The following FARP2 variants were observed in gnomAD, a reference collection of about 807,000 sequenced individuals.
FARP2 encodes the protein FERM, ARHGEF and pleckstrin domain-containing protein 2.
A neutral mutation model predicts 130.5 loss-of-function variants in FARP2; 111 were observed. The ratio of observed to expected loss-of-function variants is 0.85; its 90% CI spans 0.73 to 1.00. The LOEUF (loss-of-function observed/expected upper bound fraction) is 1.00, where lower values mean the gene tolerates loss of function less well. Among genes scored for constraint, FARP2 ranks in the 50% least tolerant of loss-of-function variants. FARP2 has a pLI of 0.00. For synonymous variants in FARP2, 504 were observed against 516.9 expected (o/e 0.98, Z 0.34); for missense variants, 1,385 against 1,346.3 (o/e 1.03, Z -0.45).
Position 241,492,959 on chromosome 2 carries a change from T to C in FARP2, c.2818T>C (p.Phe940Leu). 6.2e-7 allele frequency: 1 copy of C among 1,612,586 alleles called. No individual in the cohort carries two copies. The highest frequency in any genetic ancestry group is 8.5e-7 in the Non-Finnish European group (1 of 1,178,586). Residue 940 changes from phenylalanine (F) to leucine (L), a missense_variant, in exon 25 of 27, where the codon TTC (phenylalanine) becomes CTC (leucine). Physicochemically the swap from Phe to Leu is conservative, Grantham distance 22 (BLOSUM62 0). Transcript: ENST00000264042. ...GCTTTCAGGATATCTGCTAAGAAAG[T>C]TCAAAAACAGTCATGGCTGGCAGAA... The part of the protein sequence containing the change: ...NQLSGYLLRK[F>L]KNSHGWQKLW...
Position 241,436,553 on chromosome 2 carries a change from G to C in FARP2, c.1158+15G>C, listed in dbSNP as rs1360514490. The C allele has an allele frequency of 5.6e-6, 9 of 1,611,392 alleles. No individual in the cohort carries two copies. The highest frequency in any genetic ancestry group is 7.6e-6 in the Non-Finnish European group (9 of 1,177,468). ...TACCAAAACAGGTTAGTCTCTTCCG[G>C]TTCAACATGGGGGCAGTAGGAGTTC... is the stretch of plus-strand genomic sequence containing the variant. On this transcript the variant is annotated intron_variant, in intron 12 of 26. Transcript: ENST00000264042.
intron 2 of FARP2, among the ~76,000 whole-genome samples, chr2:241,386,280 C>A (rs764022067): frequency 4.6e-5 from 7 of 152,088 alleles, no homozygotes; most frequent in Non-Finnish European, 1.0e-4. Context: ...AGATGGGGTC[C>A]CGCTGTTGTT....
rs541112528 is a variant in FARP2 at position 241,413,448 on chromosome 2, A to T, written c.623+27A>T. ...TAAGTCATCACAATTGTCTGTCAAC[A>T]CATTGTCACCACAGTAATGACTAAA... On this transcript the variant is annotated intron_variant, in intron 7 of 26. Transcript: ENST00000264042. 1.8e-4 allele frequency: 260 copies of T among 1,416,524 alleles called. 6 individuals are homozygous for T. The South Asian group carries it at 2.9e-3, about 16-fold the overall frequency. The allele number at this position is 1,416,524 out of a possible 1,614,324, so 87.7% of individuals were successfully genotyped here.
intron 1 of FARP2, among the ~76,000 whole-genome samples, chr2:241,358,789 T>C (rs1182323513): frequency 6.6e-6 from 1 of 152,190 alleles, no homozygotes; most frequent in African/African-American, 2.4e-5. Flanking sequence ...TATTTGTCAA[T>C]GCCACAGGGA....
chr2:241,450,971 T>A (rs914049543), intron 13 of FARP2, among the ~76,000 whole-genome samples: 5 of 152,020 alleles, frequency 3.3e-5, no homozygotes, highest in Admixed American at 1.3e-4. Context: ...ATATATATAT[T>A]TTGAAGATGA....
At chr2:241,366,526 C>A (rs371295087) in intron 1 of FARP2, among the ~76,000 whole-genome samples, 5 of 152,116 alleles carry the variant, frequency 3.3e-5, no homozygotes, top group African/African-American at 1.2e-4. Context: ...AGAAAGAAAT[C>A]TCTTTGGAAC....
At chr2:241,492,287 CT>C (rs2064947629) in intron 24 of FARP2, among the ~76,000 whole-genome samples, 1 of 152,236 alleles carries the variant, frequency 6.6e-6, no homozygotes, top group South Asian at 2.1e-4. Flanking sequence ...AGCCTCTCCC[CT>C]GATGACCCTG....
chr2:241,423,326 A>T (rs920119169), intron 8 of FARP2, among the ~76,000 whole-genome samples: 6 of 152,168 alleles, frequency 3.9e-5, no homozygotes, highest in African/African-American at 9.7e-5. Flanking sequence ...CTTAGGAAAA[A>T]ATTTCCAACC....
chr2:241,413,229 C>A, intron 6 of FARP2, 78 bp from the exon 7 acceptor site: 1 of 775,686 alleles, frequency 1.3e-6, no homozygotes, highest in Non-Finnish European at 2.0e-6. Flanking sequence ...TTTTTTTTTA[C>A]TTTTAATGTA....
In FARP2 at chr2:241,462,568, G is replaced by A. The variant is rs777894186; in HGVS notation, c.1633G>A (p.Ala545Thr). 3.6e-5 allele frequency: 58 copies of A among 1,613,780 alleles called. No individual in the cohort carries two copies. The African/African-American group carries it at 4.5e-4, about 13-fold the overall frequency. The change falls in exon 15 of 27, where the codon GCT becomes ACT. Residue 545 changes from alanine (A) to threonine (T), a missense_variant. Physicochemically the swap from Ala to Thr is moderately conservative, Grantham distance 58 (BLOSUM62 0). Coordinates refer to ENST00000264042, the MANE Select transcript of FARP2 (RefSeq NM_014808.4). Reference protein sequence around the residue: ...EAYFIVKEILATERTYLKDLE... With the variant: ...EAYFIVKEILTTERTYLKDLE... ...CTACTTCATAGTCAAAGAGATTCTC[G>A]CTACAGAACGAACATACCTCAAGGA...
chr2:241,491,721 C>G, intron 24 of FARP2, 42 bp downstream of exon 24: 1 of 1,543,850 alleles, frequency 6.5e-7, no homozygotes, highest in African/African-American at 1.4e-5. Context: ...CTGGAATGTT[C>G]CCAGCTGTCT....
intron 18 of FARP2, among the ~76,000 whole-genome samples, chr2:241,473,915 A>G (rs1322224375): frequency 2.0e-5 from 3 of 152,138 alleles, no homozygotes; most frequent in Non-Finnish European, 4.4e-5. Context: ...TTTGTCAGTC[A>G]ATTTTCTTTG....
chr2:241,457,193 C>G (rs140392523), intron 14 of FARP2, among the ~76,000 whole-genome samples: 1 of 152,342 alleles, frequency 6.6e-6, no homozygotes, highest in Non-Finnish European at 1.5e-5. Context: ...TCCCTGGAAC[C>G]CACAGGCTCC....
intron 2 of FARP2, among the ~76,000 whole-genome samples, chr2:241,385,795 TATC>T (rs749867755): frequency 1.8e-4 from 27 of 152,306 alleles, no homozygotes; most frequent in Admixed American, 1.0e-3. Context: ...ATTTACGTCA[TATC>T]ATCCATTTAA....
intron 2 of FARP2, among the ~76,000 whole-genome samples, chr2:241,383,496 C>T (rs957278047): frequency 1.1e-4 from 16 of 152,102 alleles, no homozygotes; most frequent in African/African-American, 3.9e-4. Flanking sequence ...AGCAAGAGAC[C>T]ATGTGGTGGG....
At chr2:241,451,988 C>T (rs2063670959) in intron 13 of FARP2, among the ~76,000 whole-genome samples, 1 of 152,216 alleles carries the variant, frequency 6.6e-6, no homozygotes, top group African/African-American at 2.4e-5. Context: ...CTCCTGACCT[C>T]ATGTGATTCA....
At chr2:241,458,970 G>A (rs541487717) in intron 14 of FARP2, among the ~76,000 whole-genome samples, 43 of 152,332 alleles carry the variant, frequency 2.8e-4, no homozygotes, top group African/African-American at 8.4e-4. Context: ...AGAAAGATTC[G>A]GCAGCCCTTG....
rs1356820426 is a variant in FARP2 at position 241,459,519 on chromosome 2, C to T, written c.1587+2597C>T. 3.3e-5 allele frequency among the ~76,000 whole-genome samples: 5 copies of T among 152,330 alleles called. No homozygotes were observed. Among genetic ancestry groups the T allele is most frequent in the Admixed American group, 2.0e-4 (3 of 15,302 alleles). ...CTCCCACTTGATGCACTGTTTGTCC[C>T]CTTTTTAATAGAGATTTGTGAGGAT... On this transcript the variant is annotated intron_variant, in intron 14 of 26. Coordinates refer to ENST00000264042, the MANE Select transcript of FARP2 (RefSeq NM_014808.4). This position sits in a 1 kb window ranked among gnomAD's most constrained non-coding sequence, Gnocchi z 5.3.
intron 2 of FARP2, among the ~76,000 whole-genome samples, chr2:241,381,611 G>A (rs3771553): frequency 0.74 from 112,883 of 152,026 alleles, 42,420 homozygotes; most frequent in Middle Eastern, 0.85. Flanking sequence ...CAGTCATATC[G>A]GCCTCACGTA....
Sources: gnomAD v4.1 joint callset for allele counts (sites outside exome capture counted in the v4.1 genomes callset) on GRCh38, gnomAD v4.1.1 for gene constraint, Gnocchi (gnomAD v3.1) non-coding constraint, MANE v1.5 for transcripts, NCBI Gene and HGNC (gene_info 2026-07-23, HGNC 2026-07-21) for gene names.